The following UBR3 variants were observed in gnomAD, a reference collection of about 807,000 sequenced individuals.
The protein encoded by UBR3 is E3 ubiquitin-protein ligase UBR3.
Under a neutral mutation model 243.2 loss-of-function variants are expected in UBR3, and 85 were observed. That is an observed-to-expected ratio of 0.35 (90% CI 0.29 to 0.42). The LOEUF (loss-of-function observed/expected upper bound fraction) is 0.42. UBR3 is among the 10% of genes least tolerant of loss of function. The pLI is 1.00. For missense variants in UBR3, 1,686 were observed against 2,300.8 expected, an observed-to-expected ratio of 0.73 and a Z score of 5.47; for synonymous variants, 748 against 799.8, an observed-to-expected ratio of 0.94 and a Z score of 1.09.
At position 169,827,705 on chromosome 2, in the gene UBR3, C is replaced by T. The variant is rs1558988177; in HGVS notation, c.198C>T (p.Ala66=). Residue 66 remains alanine, a synonymous_variant, in exon 1 of 39, where the codon GCC becomes GCT. Transcript: ENST00000272793. ...TGCTGAGCGCCGAGCGGCCGCTGGC[C>T]GCGGCTGCCGGCGGCGAGGACGCGG... is the stretch of plus-strand genomic sequence containing the variant. ...ERVLSAERPL[A]AAAGGEDAAA... The T allele has an allele frequency of 8.2e-7, 1 of 1,219,208 alleles. No individual in the cohort carries two copies. The highest frequency in any genetic ancestry group is 1.0e-6 in the Non-Finnish European group (1 of 983,218). 75.5% of individuals were successfully genotyped at this position (1,219,208 alleles called of 1,614,324 possible).
At chr2:170,064,787 TC>T (rs1209064099) in intron 35 of UBR3, among the ~76,000 whole-genome samples, 23 of 148,292 alleles carry the variant, frequency 1.6e-4, no homozygotes, top group African/African-American at 5.4e-4. Flanking sequence ...ATTCTTGACG[TC>T]TTTTTGCTTT....
chr2:169,883,427 G>T (rs2083969449), intron 5 of UBR3, among the ~76,000 whole-genome samples: 1 of 152,236 alleles, frequency 6.6e-6, no homozygotes, highest in Non-Finnish European at 1.5e-5. Flanking sequence ...TGGAAGGTAT[G>T]TGGTGTCACT....
At chr2:170,044,242 TAGAAG>T (rs1366443878) in intron 32 of UBR3, among the ~76,000 whole-genome samples, 1 of 152,188 alleles carries the variant, frequency 6.6e-6, no homozygotes, top group African/African-American at 2.4e-5. Flanking sequence ...TGTTTGTTAT[TAGAAG>T]AGAAAAGCAG....
chr2:169,872,034 GTCTTT>G (rs1157468956), intron 1 of UBR3, among the ~76,000 whole-genome samples, 197 bp from the exon 2 acceptor site: 1 of 151,918 alleles, frequency 6.6e-6, no homozygotes, highest in East Asian at 1.9e-4. Context: ...AATAGTATGG[GTCTTT>G]TCTTGGGAAA....
At chr2:169,860,914 A>G (rs1322302141) in intron 1 of UBR3, among the ~76,000 whole-genome samples, 1 of 152,222 alleles carries the variant, frequency 6.6e-6, no homozygotes, top group Non-Finnish European at 1.5e-5. Context: ...TGCAGCACTC[A>G]GTCTGTGGCC....
intron 31 of UBR3, among the ~76,000 whole-genome samples, chr2:170,032,895 A>G (rs2090717458): frequency 6.6e-6 from 1 of 152,036 alleles, no homozygotes; most frequent in Non-Finnish European, 1.5e-5. Flanking sequence ...CTTTGAGACT[A>G]TGTATGTATC....
At chr2:170,010,651 C>T (rs1289125513) in intron 29 of UBR3, among the ~76,000 whole-genome samples, 5 of 152,032 alleles carry the variant, frequency 3.3e-5, no homozygotes, top group Non-Finnish European at 7.4e-5. Flanking sequence ...GGACAGATGT[C>T]GAATGCTTTA....
Position 169,828,986 on chromosome 2 carries a change from C to T in UBR3, c.545+934C>T, listed in dbSNP as rs1439713257. ...TGGAACATGATGTCAATGTCAGGGACAGTCTGAGAAAAAAGGAAAAAGTGA... is the reference window on the plus strand; with the variant it reads ...TGGAACATGATGTCAATGTCAGGGATAGTCTGAGAAAAAAGGAAAAAGTGA... On this transcript the variant is annotated intron_variant, in intron 1 of 38. Coordinates refer to ENST00000272793, the MANE Select transcript of UBR3 (RefSeq NM_172070.4). Among the ~76,000 whole-genome samples, 3 of 152,050 alleles carry T rather than the reference C, an allele frequency of 2.0e-5. No individual in the cohort carries two copies. In the East Asian group the frequency reaches 5.8e-4, roughly 29 times the overall value.
intron 19 of UBR3, among the ~76,000 whole-genome samples, chr2:169,935,984 A>G (rs1574238021): frequency 6.6e-6 from 1 of 152,190 alleles, no homozygotes; most frequent in South Asian, 2.1e-4. Flanking sequence ...CATCATGACT[A>G]TTGGGATCAT....
intron 1 of UBR3, among the ~76,000 whole-genome samples, chr2:169,846,624 C>T (rs1288990881): frequency 1.3e-5 from 2 of 151,332 alleles, no homozygotes; most frequent in East Asian, 2.0e-4. Flanking sequence ...GCAGGAGAAT[C>T]GCTTGAACCC....
At chr2:169,949,379 A>T in intron 22 of UBR3, 3 of 399,562 alleles carry the variant, frequency 7.5e-6, no homozygotes, top group Non-Finnish European at 8.9e-6. Context: ...TGAAAAGGAG[A>T]TGTTACTGCT....
In UBR3 at chr2:169,866,079, A is replaced by G. The variant is rs539697996; in HGVS notation, c.546-6157A>G. Among the ~76,000 whole-genome samples, 44 of 129,002 alleles carry G rather than the reference A, an allele frequency of 3.4e-4. No homozygotes were observed. In the Middle Eastern group the frequency reaches 0.019, roughly 55 times the overall value. The allele number at this position is 129,002 out of a possible 152,430, so 84.6% of individuals were successfully genotyped here. A position where few individuals can be genotyped will look rare whatever the true frequency, so the allele number is the denominator to read the frequency against. On this transcript the variant is annotated intron_variant, in intron 1 of 38. Transcript: ENST00000272793. ...CTCAGGAGAATCGCTTGAACCCGGG[A>G]GGCGGAGGTTGCAGTGAGCTGGTAT...
At chr2:170,037,762 A>G (rs1262512546) in intron 31 of UBR3, among the ~76,000 whole-genome samples, 3 of 152,190 alleles carry the variant, frequency 2.0e-5, no homozygotes, top group Non-Finnish European at 4.4e-5. Flanking sequence ...TATAATATGC[A>G]GTTTCCTCAA....
intron 31 of UBR3, among the ~76,000 whole-genome samples, chr2:170,038,815 G>A (rs1480353453): frequency 6.6e-6 from 1 of 152,046 alleles, no homozygotes; most frequent in Non-Finnish European, 1.5e-5. Flanking sequence ...GTATTAGGTT[G>A]GTGCATTGCT....
rs2090610092 is a variant in UBR3 at position 170,029,334 on chromosome 2, C to G, written c.4454-12C>G. ...GTGAACTTTCTAATTACCTTTTCTT[C>G]AATTTTTTCAGATCAGCTGTTTCAT... On this transcript the variant is annotated splice_polypyrimidine_tract_variant and intron_variant, in intron 30 of 38. Transcript: ENST00000272793. 6.3e-7 allele frequency: 1 copy of G among 1,586,024 alleles called. No homozygotes were observed. The highest frequency in any genetic ancestry group is 1.4e-5 in the African/African-American group (1 of 73,076).
chr2:170,047,594 T>C (rs1320078126), intron 32 of UBR3, among the ~76,000 whole-genome samples: 3 of 152,114 alleles, frequency 2.0e-5, no homozygotes, highest in Admixed American at 6.6e-5. Context: ...AGAGAGATCT[T>C]TCAAGAGAGA....
chr2:169,957,426 G>A (rs941053544), intron 23 of UBR3, among the ~76,000 whole-genome samples: 10 of 152,104 alleles, frequency 6.6e-5, no homozygotes, highest in Non-Finnish European at 1.5e-4. Context: ...CATGGATGAA[G>A]CTGGAAACCG....
In UBR3 at chr2:169,924,162, C is replaced by T; in HGVS notation, c.2011C>T (p.Leu671Phe). The T allele has an allele frequency of 6.5e-7, 1 of 1,544,736 alleles. No individual in the cohort carries two copies. Among genetic ancestry groups the T allele is most frequent in the Non-Finnish European group, 8.7e-7 (1 of 1,145,030 alleles). Residue 671 changes from leucine (L) to phenylalanine (F), a missense_variant, in exon 13 of 39, where the codon CTC becomes TTC. Physicochemically the swap from Leu to Phe is conservative, Grantham distance 22. Transcript: ENST00000272793. ...EMLMKLMIHPLQIQASLAEIH... is the reference protein window; with the variant it reads ...EMLMKLMIHPFQIQASLAEIH... ...GTTAATGAAACTAATGATTCACCCA[C>T]TCCAAATTCAAGTATGTATTCAGGC...
At chr2:169,868,407 G>A (rs1330677059) in intron 1 of UBR3, among the ~76,000 whole-genome samples, 1 of 152,102 alleles carries the variant, frequency 6.6e-6, no homozygotes, top group Non-Finnish European at 1.5e-5. Context: ...AGTGGCGCAC[G>A]ATCTCAGCTC....
Sources: allele counts gnomAD v4.1 joint callset (sites outside exome capture counted in the v4.1 genomes callset), GRCh38; gene constraint gnomAD v4.1.1; transcripts MANE v1.5; gene names NCBI Gene and HGNC (gene_info 2026-07-23, HGNC 2026-07-21).